ADGRL3: variants seen among roughly 807,000 people sequenced by gnomAD.
The protein encoded by ADGRL3 is adhesion G protein-coupled receptor L3.
In ADGRL3, 62 loss-of-function variants were observed where a neutral mutation model predicts 153.5. The observed-to-expected ratio is 0.40, with a 90% CI of 0.33 to 0.50. The LOEUF (loss-of-function observed/expected upper bound fraction) is 0.50. Ranked by LOEUF, ADGRL3 falls within the 20% of genes least tolerant of loss-of-function variation. ADGRL3 has a pLI of 0.47. For synonymous variants in ADGRL3, 710 were observed against 672.5 expected, an observed-to-expected ratio of 1.06 and a Z score of -0.86; for missense variants, 1,641 against 1,859.4, an observed-to-expected ratio of 0.88 and a Z score of 2.16.
intron 2 of ADGRL3, among the ~76,000 whole-genome samples, chr4:61,472,592 A>G (rs1400387094): frequency 3.9e-5 from 6 of 152,050 alleles, no homozygotes; most frequent in African/African-American, 1.4e-4. Flanking sequence ...CATCTGCCAT[A>G]TTCTACTTGT....
At chr4:61,606,947 C>A (rs2149610290) in intron 5 of ADGRL3, among the ~76,000 whole-genome samples, 1 of 152,072 alleles carries the variant, frequency 6.6e-6, no homozygotes, top group South Asian at 2.1e-4. Flanking sequence ...GTTGAAATTG[C>A]CAGACAGGTT....
At chr4:61,916,349 T>C (rs2098745007) in intron 13 of ADGRL3, among the ~76,000 whole-genome samples, 1 of 152,164 alleles carries the variant, frequency 6.6e-6, no homozygotes, top group South Asian at 2.1e-4. Flanking sequence ...ATTACTTCCA[T>C]ATCTTAGACA....
At chr4:61,304,533 G>A (rs2094702041) in intron 1 of ADGRL3, among the ~76,000 whole-genome samples, 1 of 152,108 alleles carries the variant, frequency 6.6e-6, no homozygotes, top group South Asian at 2.1e-4. Flanking sequence ...TGTGTGTGGA[G>A]GTTTTCTAGC....
In ADGRL3 at chr4:61,202,741, G is replaced by A. The variant is rs1481785688; in HGVS notation, c.-240+976G>A. ...AGGGTGCCAGGCCCCCAGCACTATA[G>A]GTGGGTGTGTGTGTGTCTGTGCGTG... is the stretch of plus-strand genomic sequence containing the variant. On this transcript the variant is annotated intron_variant, in intron 1 of 26. Coordinates refer to ENST00000683033, the MANE Select transcript of ADGRL3 (RefSeq NM_001387552.1). The surrounding 1 kb of genome is among the most constrained non-coding windows in gnomAD (Gnocchi z 5.0). Among the ~76,000 whole-genome samples the A allele has an allele frequency of 6.6e-6, 1 of 152,188 alleles. No homozygotes were observed. Among genetic ancestry groups the A allele is most frequent in the East Asian group, 1.9e-4 (1 of 5,168 alleles).
At chr4:61,285,580 G>C (rs1044044416) in intron 1 of ADGRL3, among the ~76,000 whole-genome samples, 1 of 151,824 alleles carries the variant, frequency 6.6e-6, no homozygotes, top group Non-Finnish European at 1.5e-5. Context: ...GGCGATTCAA[G>C]ACAGTTAGGC....
At chr4:61,918,623 G>C (rs2098754955) in intron 13 of ADGRL3, among the ~76,000 whole-genome samples, 2 of 152,154 alleles carry the variant, frequency 1.3e-5, no homozygotes, top group Non-Finnish European at 2.9e-5. Flanking sequence ...GGAGCACCAG[G>C]AGAGCATGGT....
At chr4:62,003,423 A>C (rs1474690208) in intron 21 of ADGRL3, among the ~76,000 whole-genome samples, 1 of 152,082 alleles carries the variant, frequency 6.6e-6, no homozygotes, top group Non-Finnish European at 1.5e-5. Flanking sequence ...CTTGAGTGTC[A>C]AACCCAGTTG....
chr4:61,466,703 A>G (rs1204627060), intron 2 of ADGRL3, among the ~76,000 whole-genome samples: 1 of 152,182 alleles, frequency 6.6e-6, no homozygotes, highest in East Asian at 1.9e-4. Flanking sequence ...TATTTGTTGA[A>G]TGAATGAACA....
chr4:61,767,973 G>A (rs1043890304), intron 8 of ADGRL3, among the ~76,000 whole-genome samples: 6 of 152,020 alleles, frequency 3.9e-5, no homozygotes, highest in South Asian at 2.1e-4. Flanking sequence ...ATTTAATGTC[G>A]GGAGCAGATT....
intron 11 of ADGRL3, among the ~76,000 whole-genome samples, chr4:61,903,650 CAAAAAAAAAAAAAAAAAAA>C (rs55879235): frequency 4.6e-4 from 33 of 72,346 alleles, no homozygotes; most frequent in African/African-American, 1.8e-3. Context: ...TGGGAAACAG[CAAAAAAAAAAAAAAAAAAA>C]AAAAAAAAAA....
intron 11 of ADGRL3, among the ~76,000 whole-genome samples, chr4:61,900,363 T>G (rs187616050): frequency 6.6e-6 from 1 of 152,302 alleles, no homozygotes; most frequent in East Asian, 1.9e-4. Flanking sequence ...CTTGATGGTT[T>G]CAACTCAAAA....
chr4:61,959,484 T>G (rs989734068), intron 17 of ADGRL3, among the ~76,000 whole-genome samples: 1 of 152,176 alleles, frequency 6.6e-6, no homozygotes, highest in African/African-American at 2.4e-5. Flanking sequence ...CATCCCAACT[T>G]CACCTCATTC....
chr4:62,037,724 T>G lies in ADGRL3; in HGVS notation c.3592-7T>G. On this transcript the variant is annotated splice_region_variant and splice_polypyrimidine_tract_variant and intron_variant, in intron 23 of 26. Coordinates refer to ENST00000683033, the MANE Select transcript of ADGRL3 (RefSeq NM_001387552.1). ...TTGCTAACAGAAGTTAATATTTAAT[T>G]GGCTAGGTACGAAAAGAGTATGGGA... 2 of 1,613,624 alleles carry G rather than the reference T, an allele frequency of 1.2e-6. No individual in the cohort carries two copies. Among genetic ancestry groups the G allele is most frequent in the South Asian group, 2.2e-5 (2 of 91,072 alleles).
rs536339043 is a variant in ADGRL3, at chr4:61,794,814, C to G, written c.1400-18995C>G. 2.0e-5 allele frequency among the ~76,000 whole-genome samples: 3 copies of G among 152,290 alleles called. No individual in the cohort carries two copies. The East Asian group carries it at 5.8e-4, about 29-fold the overall frequency. ...AATGAGGTAAACCATTAGGTGGTGG[C>G]TCCTTCAGTTTTCTCTCATGTTTGC... On this transcript the variant is annotated intron_variant, in intron 8 of 26. Transcript: ENST00000683033.
At chr4:61,270,700 T>C (rs2093122534) in intron 1 of ADGRL3, among the ~76,000 whole-genome samples, 1 of 151,622 alleles carries the variant, frequency 6.6e-6, no homozygotes. Flanking sequence ...GACCAAGAAA[T>C]GGAAAATATC....
intron 17 of ADGRL3, among the ~76,000 whole-genome samples, chr4:61,958,755 G>A (rs193175087): frequency 1.1e-4 from 16 of 152,140 alleles, no homozygotes; most frequent in Non-Finnish European, 2.1e-4. Flanking sequence ...GGTCACTCCC[G>A]CCACACAGGG....
At chr4:61,498,034 A>C (rs1290809409) in intron 3 of ADGRL3, among the ~76,000 whole-genome samples, 2 of 152,210 alleles carry the variant, frequency 1.3e-5, no homozygotes, top group Non-Finnish European at 2.9e-5. Flanking sequence ...TACTTAAAAA[A>C]ACATTTTTAA....
chr4:62,050,505 G>A (rs578135634), intron 25 of ADGRL3, among the ~76,000 whole-genome samples: 1 of 151,980 alleles, frequency 6.6e-6, no homozygotes, highest in African/African-American at 2.4e-5. Flanking sequence ...CAGGAGGTTG[G>A]TCACTGAGGC....
chr4:61,732,733 T>TAAC (rs1223705517), intron 7 of ADGRL3, 21 bp from the exon 8 acceptor site: 15 of 1,327,448 alleles, frequency 1.1e-5, no homozygotes, highest in Non-Finnish European at 2.0e-6. Context: ...TTATTTATTT[T>TAAC]AACTGTTTCC....
Sources: allele counts gnomAD v4.1 joint callset (sites outside exome capture counted in the v4.1 genomes callset), GRCh38; gene constraint gnomAD v4.1.1; non-coding constraint Gnocchi (gnomAD v3.1); transcripts MANE v1.5; gene names NCBI Gene and HGNC (gene_info 2026-07-23, HGNC 2026-07-21).